Variants in CHST8 observed in about 807,000 individuals in gnomAD.
CHST8 encodes the protein carbohydrate sulfotransferase 8.
CHST8 carries 10 observed loss-of-function variants against 15.0 expected under a neutral mutation model. That is an observed-to-expected ratio of 0.67 (90% CI 0.41 to 1.13). The LOEUF (loss-of-function observed/expected upper bound fraction) is 1.13, where lower values mean the gene tolerates loss of function less well. Ranked by LOEUF, CHST8 falls within the 50% of genes most tolerant of loss-of-function variation. CHST8 has a pLI of 0.00. For synonymous variants in CHST8, 259 were observed against 256.6 expected, an observed-to-expected ratio of 1.01 and a Z score of -0.09; for missense variants, 634 against 608.2, an observed-to-expected ratio of 1.04 and a Z score of -0.45.
chr19:33,685,214 GCTGAATTC>G (rs1350181223), intron 2 of CHST8: 1 of 152,204 alleles, frequency 6.6e-6, no homozygotes, highest in East Asian at 1.9e-4. Flanking sequence ...GTGTGTTTTG[GCTGAATTC>G]CCAAGTCCTT....
intron 3 of CHST8, among the ~76,000 whole-genome samples, chr19:33,739,323 CACA>C (rs1456268910): frequency 6.6e-6 from 1 of 152,170 alleles, no homozygotes; most frequent in African/African-American, 2.4e-5. Flanking sequence ...ACTCCCCCAG[CACA>C]ACATCCCCTG....
chr19:33,689,701 C>T (rs1333591892), intron 3 of CHST8, among the ~76,000 whole-genome samples: 4 of 152,216 alleles, frequency 2.6e-5, no homozygotes, highest in Admixed American at 2.0e-4. Context: ...ATTCCACCAC[C>T]TCTCAGGCCT....
chr19:33,674,504 TCTC>T (rs1245495100), intron 2 of CHST8, among the ~76,000 whole-genome samples: 1 of 152,204 alleles, frequency 6.6e-6, no homozygotes, highest in African/African-American at 2.4e-5. Context: ...GCGCAGCACT[TCTC>T]CTCAGCCCCA....
chr19:33,650,947 C>T (rs1426424373), intron 1 of CHST8, among the ~76,000 whole-genome samples: 4 of 152,010 alleles, frequency 2.6e-5, no homozygotes, highest in African/African-American at 4.8e-5. Context: ...GTAATCTGCC[C>T]ACCTCAACCT....
intron 3 of CHST8, among the ~76,000 whole-genome samples, chr19:33,705,108 CT>C (rs1973421804): frequency 6.6e-6 from 1 of 152,234 alleles, no homozygotes; most frequent in East Asian, 1.9e-4. Context: ...GACCTGCCCC[CT>C]AGGCCCTATT....
At chr19:33,637,317 CT>C (rs1410524763) in intron 1 of CHST8, among the ~76,000 whole-genome samples, 1 of 152,116 alleles carries the variant, frequency 6.6e-6, no homozygotes, top group African/African-American at 2.4e-5. Context: ...TACCCAGCCC[CT>C]ATTCAAGATG....
At position 33,729,849 on chromosome 19, in the gene CHST8, CA is replaced by C. The variant is rs1440767125; in HGVS notation, c.130+40459del. On this transcript the variant is annotated intron_variant, in intron 3 of 4. Transcript: ENST00000650847. ...GGTGGAAGAGTGCAGGGTGAAGTGCCAGGGGCAGTGAGAGGAAGAACCTGTG... is the reference window on the plus strand; with the variant it reads ...GGTGGAAGAGTGCAGGGTGAAGTGCCGGGGCAGTGAGAGGAAGAACCTGTG... 5.3e-5 allele frequency among the ~76,000 whole-genome samples: 8 copies of C among 152,248 alleles called. No individual in the cohort carries two copies. The East Asian group carries it at 9.6e-4, about 18-fold the overall frequency.
chr19:33,710,561 T>C (rs532594615), intron 3 of CHST8, among the ~76,000 whole-genome samples: 46 of 152,250 alleles, frequency 3.0e-4, no homozygotes, highest in Non-Finnish European at 5.3e-4. Flanking sequence ...TAGTCAACTT[T>C]AATTGTCTGA....
At chr19:33,634,677 CAAAAAAAA>C (rs3040761) in intron 1 of CHST8, among the ~76,000 whole-genome samples, 7 of 52,370 alleles carry the variant, frequency 1.3e-4, no homozygotes, top group African/African-American at 3.2e-4. Context: ...GTCACGAAAC[CAAAAAAAA>C]AAAAAAAAAA....
At chr19:33,740,294 G>A (rs1450976463) in intron 3 of CHST8, among the ~76,000 whole-genome samples, 1 of 152,168 alleles carries the variant, frequency 6.6e-6, no homozygotes, top group Non-Finnish European at 1.5e-5. Context: ...GTGACGCCCA[G>A]GGACCTTTCT....
At chr19:33,682,703 G>T (rs577920857) in intron 2 of CHST8, among the ~76,000 whole-genome samples, 1 of 152,312 alleles carries the variant, frequency 6.6e-6, no homozygotes, top group Admixed American at 6.5e-5. Context: ...GGCTTCAAGA[G>T]TCACCCATGT....
intron 1 of CHST8, among the ~76,000 whole-genome samples, chr19:33,644,402 G>A (rs1972323260): frequency 1.3e-5 from 2 of 152,104 alleles, no homozygotes; most frequent in Non-Finnish European, 2.9e-5. Flanking sequence ...TGGAGTCAGT[G>A]TTCTGGTAAG....
rs112160566 is a variant in CHST8 at position 33,735,816 on chromosome 19, C to T, written c.131-35597C>T. On this transcript the variant is annotated intron_variant, in intron 3 of 4. Transcript: ENST00000650847. Reference sequence around the variant, plus strand: ...CCTGGGGGACAGAGCGAGACTCCGTCTCAAAGAAAAACAGAAACAAAAACA... The same window carrying T: ...CCTGGGGGACAGAGCGAGACTCCGTTTCAAAGAAAAACAGAAACAAAAACA... Among the ~76,000 whole-genome samples the T allele has an allele frequency of 1.1e-3, 164 of 152,340 alleles. 1 individual carries two copies. The highest frequency in any genetic ancestry group is 3.7e-3 in the African/African-American group (153 of 41,570).
intron 2 of CHST8, among the ~76,000 whole-genome samples, chr19:33,688,054 C>A (rs900236001): frequency 2.0e-5 from 3 of 152,206 alleles, no homozygotes; most frequent in Admixed American, 2.0e-4. Context: ...ATCCTCTCGG[C>A]CTAGCCAGCA....
chr19:33,730,522 G>C (rs1364478177), intron 3 of CHST8, among the ~76,000 whole-genome samples: 1 of 152,224 alleles, frequency 6.6e-6, no homozygotes, highest in African/African-American at 2.4e-5. Context: ...GGCTTATGCT[G>C]CTGCCTACTC....
At chr19:33,766,891 G>A (rs917722239) in intron 3 of CHST8, among the ~76,000 whole-genome samples, 2 of 152,184 alleles carry the variant, frequency 1.3e-5, no homozygotes, top group Admixed American at 6.5e-5. Flanking sequence ...ATGGAAACGC[G>A]GCCACACAAA....
At chr19:33,694,208 ATATATATATAT>A in intron 3 of CHST8, among the ~76,000 whole-genome samples, 1 of 85,018 alleles carries the variant, frequency 1.2e-5, no homozygotes, top group African/African-American at 5.0e-5. Flanking sequence ...ATATATATAT[ATATATATATAT>A]AATGTTACCA....
Position 33,698,829 on chromosome 19 carries a change from C to G in CHST8, c.130+9438C>G, listed in dbSNP as rs113785600. 5.9e-5 allele frequency among the ~76,000 whole-genome samples: 9 copies of G among 152,244 alleles called. 2 individuals are homozygous for G. Among genetic ancestry groups the G allele is most frequent in the African/African-American group, 2.2e-4 (9 of 41,544 alleles). ...GACCAGGCAAGACAGGCAGGAAGCCCCCACCATGCCCTCGCCCCTCTGCAC... is the reference window on the plus strand; with the variant it reads ...GACCAGGCAAGACAGGCAGGAAGCCGCCACCATGCCCTCGCCCCTCTGCAC... On this transcript the variant is annotated intron_variant, in intron 3 of 4. Coordinates refer to ENST00000650847, the MANE Select transcript of CHST8 (RefSeq NM_001127895.2).
At chr19:33,652,507 C>T (rs187917236) in intron 1 of CHST8, among the ~76,000 whole-genome samples, 1 of 151,298 alleles carries the variant, frequency 6.6e-6, no homozygotes, top group East Asian at 1.9e-4. Context: ...TCCTGAGTAG[C>T]TGGGACTACA....
Sources: allele counts gnomAD v4.1 joint callset (sites outside exome capture counted in the v4.1 genomes callset), GRCh38; gene constraint gnomAD v4.1.1; transcripts MANE v1.5; gene names NCBI Gene and HGNC (gene_info 2026-07-23, HGNC 2026-07-21).